CR1L: variants seen among roughly 807,000 people sequenced by gnomAD.
CR1L encodes complement C3b/C4b receptor 1 like, also known as complement component receptor 1-like protein.
Under a neutral mutation model 62.3 loss-of-function variants are expected in CR1L, and 59 were observed. That is an observed-to-expected ratio of 0.95 (90% CI 0.77 to 1.18). The LOEUF is 1.18. Among genes scored for constraint, CR1L ranks in the 50% most tolerant of loss-of-function variants. The probability of loss-of-function intolerance (pLI) is 0.00; values close to 1 mark genes in which losing one functional copy is unlikely to be tolerated. For missense variants in CR1L, 700 were observed against 702.8 expected (o/e 1.00, Z 0.04); for synonymous variants, 279 against 248.7 (o/e 1.12, Z -1.15).
chr1:207,649,236 G>T (rs7521762), intron 1 of CR1L, among the ~76,000 whole-genome samples: 12,725 of 152,156 alleles, frequency 0.084, 772 homozygotes, highest in African/African-American at 0.17. Flanking sequence ...GGTATTCAGA[G>T]CAGAGGAAGC....
chr1:207,669,918 C>T (rs996355425), intron 1 of CR1L, among the ~76,000 whole-genome samples: 3 of 151,136 alleles, frequency 2.0e-5, no homozygotes, highest in Non-Finnish European at 4.4e-5. Flanking sequence ...CCTAGCGAAA[C>T]GGGACTTGGG....
intron 1 of CR1L, among the ~76,000 whole-genome samples, chr1:207,647,899 A>G (rs866123206): frequency 2.0e-5 from 3 of 152,324 alleles, no homozygotes; most frequent in Middle Eastern, 6.8e-3. Flanking sequence ...AAGAAAACGA[A>G]AGGACTTTTT....
At chr1:207,719,752 T>C (rs1654090962) in intron 11 of CR1L, among the ~76,000 whole-genome samples, 1 of 151,784 alleles carries the variant, frequency 6.6e-6, no homozygotes, top group African/African-American at 2.4e-5. Context: ...ACACACAAGA[T>C]AGCTTCTAAT....
At chr1:207,706,038 T>TATATATATAC (rs1664262229) in intron 9 of CR1L, among the ~76,000 whole-genome samples, 3 of 145,436 alleles carry the variant, frequency 2.1e-5, no homozygotes, top group South Asian at 4.2e-4. Context: ...TATATATATA[T>TATATATATAC]ATATATAAAA....
chr1:207,717,683 T>G lies in CR1L; in HGVS notation c.1634T>G (p.Val545Gly), dbSNP rs751062027. The G allele has an allele frequency of 6.2e-7, 1 of 1,613,894 alleles. No individual in the cohort carries two copies. The highest frequency in any genetic ancestry group is 8.5e-7 in the Non-Finnish European group (1 of 1,179,896). ...CCTGCCCCTCGCTGTGAACTTCCTG[T>G]TGGTGCTGGTCAGTATCCGCTTCCA... The part of the protein sequence containing the change: ...SSPAPRCELP[V>G]GAGSHDALIV... Residue 545 changes from valine (V) to glycine (G), a missense_variant, in exon 11 of 12, where the codon GTT becomes GGT. Transcript: ENST00000508064.
At chr1:207,720,705 T>C (rs1654116746) in intron 11 of CR1L, among the ~76,000 whole-genome samples, 1 of 152,210 alleles carries the variant, frequency 6.6e-6, no homozygotes, top group Admixed American at 6.5e-5. Context: ...TCAAGACTAA[T>C]TAGCATGGTG....
intron 1 of CR1L, among the ~76,000 whole-genome samples, chr1:207,648,208 C>CAG (rs763559023): frequency 0.13 from 6,887 of 53,656 alleles, 265 homozygotes; most frequent in South Asian, 0.19. Flanking sequence ...CACACACAGA[C>CAG]ACACACACAC....
chr1:207,674,350 C>A lies in CR1L; in HGVS notation c.98-3039C>A, dbSNP rs142382480. On this transcript the variant is annotated intron_variant, in intron 1 of 11. Transcript: ENST00000508064. ...TACTCATCAACCATTTTATGTAATA[C>A]ATCTTAATAAAGCTATAAAAACTTT... Among the ~76,000 whole-genome samples the A allele has an allele frequency of 6.7e-3, 1,013 of 152,216 alleles. 9 individuals are homozygous for A. Among genetic ancestry groups the A allele is most frequent in the African/African-American group, 0.023 (952 of 41,524 alleles).
In CR1L at chr1:207,691,152, C is replaced by T. The variant is rs139094318; in HGVS notation, c.464-3201C>T. 3.4e-4 allele frequency among the ~76,000 whole-genome samples: 52 copies of T among 152,288 alleles called. No homozygotes were observed. In the East Asian group the frequency reaches 8.9e-3, roughly 26 times the overall value. On this transcript the variant is annotated intron_variant, in intron 4 of 11. Coordinates refer to ENST00000508064, the MANE Select transcript of CR1L (RefSeq NM_175710.2). ...CAATCTTTACTTTATGTATTTTAAA[C>T]ATGTTATTAAATGCATGTTTAAATA... is the stretch of plus-strand genomic sequence containing the variant.
chr1:207,707,819 CATATTAAGGGAAT>C (rs1558024581), intron 9 of CR1L, among the ~76,000 whole-genome samples: 1 of 143,486 alleles, frequency 7.0e-6, no homozygotes, highest in Non-Finnish European at 1.5e-5. Context: ...CACACACACA[CATATTAAGGGAAT>C]ACGCAAACAA....
At chr1:207,713,558 G>A (rs1256303754) in intron 10 of CR1L, among the ~76,000 whole-genome samples, 1 of 152,242 alleles carries the variant, frequency 6.6e-6, no homozygotes, top group African/African-American at 2.4e-5. Flanking sequence ...TGCCAGGCTT[G>A]TGCTCTGATG....
intron 1 of CR1L, among the ~76,000 whole-genome samples, chr1:207,670,738 C>T (rs1402062908): frequency 6.6e-6 from 1 of 151,088 alleles, no homozygotes; most frequent in East Asian, 1.9e-4. Context: ...AGAAAGTAAC[C>T]TGTCTAGTGA....
At chr1:207,686,389 A>C (rs1349901649) in intron 4 of CR1L, among the ~76,000 whole-genome samples, 2 of 151,846 alleles carry the variant, frequency 1.3e-5, no homozygotes, top group African/African-American at 4.8e-5. Context: ...AATTAAGGAC[A>C]TTCTCATATA....
At chr1:207,672,539 A>G (rs1663628930) in intron 1 of CR1L, among the ~76,000 whole-genome samples, 1 of 152,002 alleles carries the variant, frequency 6.6e-6, no homozygotes, top group African/African-American at 2.4e-5. Context: ...ATAAGGACAT[A>G]CTTGAACTCA....
intron 1 of CR1L, among the ~76,000 whole-genome samples, chr1:207,651,635 T>C (rs1184499951): frequency 1.3e-5 from 2 of 151,854 alleles, no homozygotes; most frequent in Admixed American, 1.3e-4. Context: ...GGAAGATGAG[T>C]TGCCGCAGTA....
chr1:207,665,119 T>A (rs1663496006), intron 1 of CR1L, among the ~76,000 whole-genome samples: 1 of 152,206 alleles, frequency 6.6e-6, no homozygotes, highest in African/African-American at 2.4e-5. Context: ...AGTGGCATGA[T>A]CTCGGCTCAC....
intron 4 of CR1L, among the ~76,000 whole-genome samples, chr1:207,686,086 T>TCCTTCCTTCCTC (rs1663899833): frequency 7.4e-5 from 2 of 27,080 alleles, no homozygotes; most frequent in Non-Finnish European, 1.5e-4. Flanking sequence ...CTCCCTCCCT[T>TCCTTCCTTCCTC]CCTCCCTCCT....
At chr1:207,681,560 G>T (rs1176192158) in intron 3 of CR1L, among the ~76,000 whole-genome samples, 1 of 152,086 alleles carries the variant, frequency 6.6e-6, no homozygotes, top group Admixed American at 6.5e-5. Flanking sequence ...TCTTCTATCT[G>T]TTCCCTTTGA....
At position 207,694,892 on chromosome 1, in the gene CR1L, C is replaced by G. The variant is rs1571524853; in HGVS notation, c.862+141C>G. 2.7e-6 allele frequency: 4 copies of G among 1,473,514 alleles called. No homozygotes were observed. The East Asian group carries it at 9.5e-5, about 35-fold the overall frequency. 91.3% of individuals were successfully genotyped at this position (1,473,514 alleles called of 1,614,324 possible). ...TTTTCTAGGTAGTGAACATGAAATT[C>G]AGAAGGTGTGTGTACATGCAGATGT... On this transcript the variant is annotated intron_variant, in intron 5 of 11. Transcript: ENST00000508064.
Sources: gnomAD v4.1 joint callset for allele counts (sites outside exome capture counted in the v4.1 genomes callset) on GRCh38, gnomAD v4.1.1 for gene constraint, MANE v1.5 for transcripts, NCBI Gene and HGNC (gene_info 2026-07-23, HGNC 2026-07-21) for gene names.